The following MEI4 variants were observed in gnomAD, a reference collection of about 807,000 sequenced individuals.
MEI4 encodes meiotic double-stranded break formation protein 4.
MEI4 carries 27 observed loss-of-function variants against 31.4 expected under a neutral mutation model. The observed-to-expected ratio is 0.86, with a 90% CI of 0.63 to 1.19. The LOEUF (loss-of-function observed/expected upper bound fraction) is 1.19, where lower values mean the gene tolerates loss of function less well. Ranked by LOEUF, MEI4 falls within the 50% of genes most tolerant of loss-of-function variation. The pLI is 0.00. For synonymous variants in MEI4, 122 were observed against 145.4 expected (o/e 0.84, Z 1.16); for missense variants, 329 against 398.9 (o/e 0.82, Z 1.49).
chr6:77,879,879 A>G (rs192453268), intron 4 of MEI4, among the ~76,000 whole-genome samples: 322 of 152,296 alleles, frequency 2.1e-3, no homozygotes, highest in Non-Finnish European at 3.9e-3. Context: ...GATCCTCCAC[A>G]TGTATGAAGC....
chr6:77,818,412 T>G (rs555459731), intron 3 of MEI4, among the ~76,000 whole-genome samples: 1 of 152,248 alleles, frequency 6.6e-6, no homozygotes, highest in Non-Finnish European at 1.5e-5. Flanking sequence ...AAATTTGCCT[T>G]TTCTAGTTTT....
chr6:77,689,460 C>T (rs1769117878), intron 1 of MEI4, among the ~76,000 whole-genome samples: 1 of 152,020 alleles, frequency 6.6e-6, no homozygotes, highest in Non-Finnish European at 1.5e-5. Context: ...TTAGATTGTA[C>T]ATTTTCAGTG....
intron 2 of MEI4, among the ~76,000 whole-genome samples, chr6:77,731,656 G>A (rs1305045816): frequency 6.6e-6 from 1 of 150,992 alleles, no homozygotes; most frequent in Non-Finnish European, 1.5e-5. Context: ...GTCAATTTTG[G>A]CTTTTGTTGC....
chr6:77,694,898 A>G (rs1388137966), intron 2 of MEI4, among the ~76,000 whole-genome samples: 1 of 150,068 alleles, frequency 6.7e-6, no homozygotes, highest in Non-Finnish European at 1.5e-5. Context: ...AAGTGTTCCT[A>G]TTTCTCCACA....
At chr6:77,652,600 T>C (rs563246755), upstream of MEI4, among the ~76,000 whole-genome samples, 1 of 152,336 alleles carries the variant, frequency 6.6e-6, no homozygotes, top group South Asian at 2.1e-4. Flanking sequence ...GTGCACTTTC[T>C]TAGAATATAA....
chr6:77,746,407 C>A (rs576156773), intron 2 of MEI4, among the ~76,000 whole-genome samples: 32 of 152,220 alleles, frequency 2.1e-4, no homozygotes, highest in African/African-American at 7.7e-4. Flanking sequence ...TTAACCCTTC[C>A]TTAAGTAAGG....
intron 4 of MEI4, among the ~76,000 whole-genome samples, chr6:77,877,483 G>C (rs1011389055): frequency 1.9e-5 from 1 of 51,994 alleles, no homozygotes; most frequent in African/African-American, 1.5e-4. Flanking sequence ...TCTAGCTGAT[G>C]GTTGCTGACA....
chr6:77,781,422 C>G (rs1230351218), intron 3 of MEI4, among the ~76,000 whole-genome samples: 1 of 152,208 alleles, frequency 6.6e-6, no homozygotes, highest in African/African-American at 2.4e-5. Flanking sequence ...TAAAAACTTG[C>G]TGCTCAAAAT....
intron 2 of MEI4, among the ~76,000 whole-genome samples, chr6:77,697,769 G>C (rs1180651069): frequency 6.6e-6 from 1 of 152,178 alleles, no homozygotes. Flanking sequence ...GAGTTCTGTA[G>C]ATGTCTATTA....
intron 4 of MEI4, among the ~76,000 whole-genome samples, chr6:77,866,648 T>A (rs1771037583): frequency 6.6e-6 from 1 of 152,190 alleles, no homozygotes. Flanking sequence ...ATGGCCATAC[T>A]GCCCAAAGTA....
chr6:77,730,200 G>A (rs758376651), intron 2 of MEI4, among the ~76,000 whole-genome samples: 1 of 152,140 alleles, frequency 6.6e-6, no homozygotes, highest in African/African-American at 2.4e-5. Flanking sequence ...GCACTGAATT[G>A]GGTGTATTGC....
chr6:77,848,869 C>T (rs529020950), intron 4 of MEI4, among the ~76,000 whole-genome samples: 1 of 152,148 alleles, frequency 6.6e-6, no homozygotes, highest in East Asian at 1.9e-4. Flanking sequence ...GTATTATTAT[C>T]AATATTGTGA....
At chr6:77,776,544 C>A (rs1269017360) in intron 3 of MEI4, among the ~76,000 whole-genome samples, 1 of 152,018 alleles carries the variant, frequency 6.6e-6, no homozygotes, top group Non-Finnish European at 1.5e-5. Context: ...ACTTTTATTT[C>A]TTTCTCTGGC....
intron 2 of MEI4, among the ~76,000 whole-genome samples, chr6:77,736,620 A>G (rs777225395): frequency 2.0e-5 from 3 of 152,114 alleles, no homozygotes; most frequent in Non-Finnish European, 4.4e-5. Flanking sequence ...TGGGAGCTGT[A>G]GACCGGAGCT....
intron 1 of MEI4, among the ~76,000 whole-genome samples, chr6:77,666,885 G>A (rs573509106): frequency 7.8e-4 from 110 of 140,238 alleles, no homozygotes; most frequent in Non-Finnish European, 1.2e-3. Context: ...GTGTGTGTGC[G>A]TGCGTGCGTG....
At chr6:77,831,395 G>A (rs1239646772) in intron 4 of MEI4, among the ~76,000 whole-genome samples, 2 of 151,608 alleles carry the variant, frequency 1.3e-5, no homozygotes, top group Non-Finnish European at 3.0e-5. Context: ...GAATCCCACT[G>A]CTGGCTATGT....
At chr6:77,743,496 G>A (rs1001983026) in intron 2 of MEI4, among the ~76,000 whole-genome samples, 1 of 152,136 alleles carries the variant, frequency 6.6e-6, no homozygotes, top group Non-Finnish European at 1.5e-5. Flanking sequence ...TGCTGAAGTT[G>A]CTTATCAGCT....
intron 2 of MEI4, among the ~76,000 whole-genome samples, chr6:77,726,432 A>G (rs1473064904): frequency 6.6e-6 from 1 of 152,198 alleles, no homozygotes; most frequent in Non-Finnish European, 1.5e-5. Context: ...ATTAATGGAA[A>G]GAAAACTGCG....
chr6:77,814,338 T>C (rs1321276739), intron 3 of MEI4, among the ~76,000 whole-genome samples: 1 of 152,112 alleles, frequency 6.6e-6, no homozygotes, highest in Non-Finnish European at 1.5e-5. Flanking sequence ...AAAACAGGGC[T>C]CAAGGTTCAT....
Sources: allele counts gnomAD v4.1 joint callset (sites outside exome capture counted in the v4.1 genomes callset), GRCh38; gene constraint gnomAD v4.1.1; transcripts MANE v1.5; gene names NCBI Gene and HGNC (gene_info 2026-07-23, HGNC 2026-07-21).